The following LRRC1 variants were observed in gnomAD, a reference collection of about 807,000 sequenced individuals.
The protein encoded by LRRC1 is leucine rich repeat containing 1.
Under a neutral mutation model 69.9 loss-of-function variants are expected in LRRC1, and 28 were observed. That is an observed-to-expected ratio of 0.40 (90% confidence interval 0.30 to 0.55). LRRC1 has a LOEUF of 0.55. Among genes scored for constraint, LRRC1 ranks in the 20% least tolerant of loss-of-function variants. The pLI, the probability that LRRC1 is intolerant of heterozygous loss-of-function variation, is 0.47. For missense variants in LRRC1, 498 were observed against 609.0 expected (o/e 0.82, Z 1.92); for synonymous variants, 236 against 240.2 (o/e 0.98, Z 0.16).
rs139186286 is a variant in LRRC1 at position 53,795,265 on chromosome 6, C to T, written c.9C>T (p.His3=). The T allele has an allele frequency of 1.6e-3, 2,501 of 1,608,950 alleles. 47 individuals are homozygous for T. The East Asian group carries it at 0.031, about 20-fold the overall frequency. Residue 3 remains histidine (H), a synonymous_variant, in exon 1 of 14, where the codon CAC becomes CAT. Transcript: ENST00000370888. MF[H]CIPLWRCNRH... The stretch of plus-strand genomic sequence containing the variant: ...CGGCGGCGGGGGCGGCGATGTTCCA[C>T]TGCATCCCCCTGTGGCGGTGCAACC...
At chr6:53,871,421 C>T (rs901229821) in intron 2 of LRRC1, among the ~76,000 whole-genome samples, 1 of 151,982 alleles carries the variant, frequency 6.6e-6, no homozygotes, top group African/African-American at 2.4e-5. Context: ...TACTTGTTAG[C>T]CATTTGTATG....
intron 2 of LRRC1, among the ~76,000 whole-genome samples, chr6:53,844,647 TTTG>T (rs753928943): frequency 3.7e-4 from 57 of 152,176 alleles, no homozygotes; most frequent in African/African-American, 8.9e-4. Flanking sequence ...TACCCTGCTT[TTTG>T]TTGTTGTTGT....
rs533027178 is a variant in LRRC1 at position 53,900,704 on chromosome 6, TA to T, written c.787+822del. On this transcript the variant is annotated intron_variant, in intron 8 of 13. Coordinates refer to ENST00000370888, the MANE Select transcript of LRRC1 (RefSeq NM_018214.5). ...TTTATCATTCTGTGCTATTTTCTTT[TA>T]AAAAAAAATCAATCTAGACATTTTC... is the stretch of plus-strand genomic sequence containing the variant. Among the ~76,000 whole-genome samples, 130 of 151,802 alleles carry T rather than the reference TA, an allele frequency of 8.6e-4. 1 individual carries two copies. In the South Asian group the frequency reaches 0.019, roughly 22 times the overall value.
intron 10 of LRRC1, among the ~76,000 whole-genome samples, chr6:53,908,849 C>G (rs1300721219): frequency 6.6e-6 from 1 of 152,070 alleles, no homozygotes; most frequent in Non-Finnish European, 1.5e-5. Flanking sequence ...GTGATTCACA[C>G]AAGAACAAAT....
At chr6:53,876,382 C>T (rs934113185) in intron 2 of LRRC1, among the ~76,000 whole-genome samples, 1 of 152,116 alleles carries the variant, frequency 6.6e-6, no homozygotes, top group African/African-American at 2.4e-5. Context: ...TCATTCTGCC[C>T]CTGGCCCCTC....
At chr6:53,892,045 C>T (rs1006545649) in intron 4 of LRRC1, among the ~76,000 whole-genome samples, 1 of 149,714 alleles carries the variant, frequency 6.7e-6, no homozygotes, top group Non-Finnish European at 1.5e-5. Context: ...CACACACACA[C>T]ACATACACAT....
chr6:53,902,322 A>G (rs781573588), intron 8 of LRRC1, among the ~76,000 whole-genome samples: 8 of 152,182 alleles, frequency 5.3e-5, no homozygotes, highest in Non-Finnish European at 8.8e-5. Context: ...CTGTGCATGA[A>G]ACACCTCCAC....
intron 9 of LRRC1, among the ~76,000 whole-genome samples, chr6:53,903,831 C>T (rs2127438214): frequency 6.6e-6 from 1 of 152,314 alleles, no homozygotes; most frequent in South Asian, 2.1e-4. Flanking sequence ...AATATTCACC[C>T]CTGGATTGCA....
chr6:53,806,303 G>A (rs1764634098), intron 1 of LRRC1, among the ~76,000 whole-genome samples: 1 of 152,144 alleles, frequency 6.6e-6, no homozygotes, highest in South Asian at 2.1e-4. Context: ...ATATTTGAAG[G>A]GCATCTTGGG....
intron 1 of LRRC1, among the ~76,000 whole-genome samples, chr6:53,840,211 G>A (rs962115950): frequency 3.3e-5 from 5 of 152,240 alleles, no homozygotes; most frequent in Middle Eastern, 3.4e-3. Context: ...TGACTGAAAT[G>A]TTTTTATTCT....
chr6:53,922,935 T>C lies in LRRC1; in HGVS notation c.*142T>C. 1 of 716,162 alleles carries C rather than the reference T, an allele frequency of 1.4e-6. No individual in the cohort carries two copies. The highest frequency in any genetic ancestry group is 2.1e-5 in the South Asian group (1 of 47,274). The allele number at this position is 716,162 out of a possible 1,614,324, so 44.4% of individuals were successfully genotyped here. ...CGTGGAGTGTGGGGAAGCTGCTGTCTCCCAGGAAGTGCCTTACTCATCCCG... is the reference window on the plus strand; with the variant it reads ...CGTGGAGTGTGGGGAAGCTGCTGTCCCCCAGGAAGTGCCTTACTCATCCCG... On this transcript the variant is annotated 3_prime_UTR_variant, in exon 14 of 14. Transcript: ENST00000370888.
chr6:53,834,863 G>A (rs1765567278), intron 1 of LRRC1, among the ~76,000 whole-genome samples: 2 of 152,214 alleles, frequency 1.3e-5, no homozygotes, highest in South Asian at 4.1e-4. Context: ...TCGGGACGCT[G>A]AGGCAGGAGA....
chr6:53,866,005 C>T (rs1766691725), intron 2 of LRRC1, among the ~76,000 whole-genome samples: 1 of 152,102 alleles, frequency 6.6e-6, no homozygotes, highest in Non-Finnish European at 1.5e-5. Flanking sequence ...CAGGCATGAA[C>T]CACTGCGCCT....
intron 2 of LRRC1, among the ~76,000 whole-genome samples, chr6:53,844,799 T>G (rs1240189824): frequency 3.9e-5 from 6 of 152,194 alleles, no homozygotes; most frequent in African/African-American, 1.4e-4. Context: ...TTCCCTTCCC[T>G]TCTTGACAGG....
intron 1 of LRRC1, among the ~76,000 whole-genome samples, chr6:53,837,214 G>C (rs138441749): frequency 7.1e-6 from 1 of 140,048 alleles, no homozygotes; most frequent in East Asian, 2.1e-4. Context: ...ATATATGTGA[G>C]AGTTTTTTTT....
rs767020748 is a variant in LRRC1, at chr6:53,922,688, A to G, written c.1470A>G (p.Lys490=). The part of the protein sequence containing the change: ...TPHPGELKHM[K]KTVENLRNDM... Reference sequence around the variant, plus strand: ...ACCCAGGGGAGTTAAAGCACATGAAAAAGACAGTGGAGAATTTACGGAATG... The same window carrying G: ...ACCCAGGGGAGTTAAAGCACATGAAGAAGACAGTGGAGAATTTACGGAATG... Residue 490 remains lysine (K), a synonymous_variant, in exon 14 of 14, where the codon AAA becomes AAG. Transcript: ENST00000370888. The G allele has an allele frequency of 2.5e-6, 4 of 1,614,166 alleles. No individual in the cohort carries two copies. The highest frequency in any genetic ancestry group is 2.2e-5 in the South Asian group (2 of 91,076).
At chr6:53,795,804 C>G (rs553171057) in intron 1 of LRRC1, among the ~76,000 whole-genome samples, 1 of 152,224 alleles carries the variant, frequency 6.6e-6, no homozygotes, top group African/African-American at 2.4e-5. Context: ...CCCTCCACTC[C>G]CCGGGGTCGT....
chr6:53,855,029 A>G (rs1766266180), intron 2 of LRRC1, among the ~76,000 whole-genome samples: 1 of 152,250 alleles, frequency 6.6e-6, no homozygotes, highest in South Asian at 2.1e-4. Context: ...GTGATAAGTT[A>G]AAAGTCAGCC....
chr6:53,871,468 T>C (rs1008280381), intron 2 of LRRC1, among the ~76,000 whole-genome samples: 2 of 152,194 alleles, frequency 1.3e-5, no homozygotes, highest in Admixed American at 6.5e-5. Context: ...TCAGATCTTA[T>C]GTTCATTTTT....
Sources: gnomAD v4.1 joint callset for allele counts (sites outside exome capture counted in the v4.1 genomes callset) on GRCh38, gnomAD v4.1.1 for gene constraint, MANE v1.5 for transcripts, NCBI Gene and HGNC (gene_info 2026-07-23, HGNC 2026-07-21) for gene names.